Variants in CATSPERE observed in about 807,000 individuals in gnomAD.
CATSPERE encodes cation channel sperm-associated auxiliary subunit epsilon.
Under a neutral mutation model 114.1 loss-of-function variants are expected in CATSPERE, and 93 were observed. That is an observed-to-expected ratio of 0.81 (90% CI 0.69 to 0.97). CATSPERE has a LOEUF of 0.97. CATSPERE is among the 50% of genes least tolerant of loss of function. The pLI, the probability that CATSPERE is intolerant of heterozygous loss-of-function variation, is 0.00. For synonymous variants in CATSPERE, 341 were observed against 384.1 expected (o/e 0.89, Z 1.31); for missense variants, 1,058 against 1,131.6 (o/e 0.93, Z 0.93).
chr1:244,531,576 A>G (rs72773406), intron 8 of CATSPERE, among the ~76,000 whole-genome samples: 4,345 of 152,148 alleles, frequency 0.029, 93 homozygotes, highest in Middle Eastern at 0.088. Flanking sequence ...TTCGGTATTA[A>G]TTGAAATGAT....
At chr1:244,558,759 A>C (rs1225487496) in intron 9 of CATSPERE, among the ~76,000 whole-genome samples, 1 of 150,644 alleles carries the variant, frequency 6.6e-6, no homozygotes, top group Non-Finnish European at 1.5e-5. Flanking sequence ...CCCACTCTGC[A>C]CTCCCCTCTC....
chr1:244,479,514 T>C (rs1669924353), intron 4 of CATSPERE, among the ~76,000 whole-genome samples: 1 of 152,182 alleles, frequency 6.6e-6, no homozygotes, highest in African/African-American at 2.4e-5. Context: ...TGTATTTCAG[T>C]GAGGAAGACA....
At chr1:244,583,237 G>A (rs1195940207) in intron 12 of CATSPERE, among the ~76,000 whole-genome samples, 1 of 151,888 alleles carries the variant, frequency 6.6e-6, no homozygotes, top group Non-Finnish European at 1.5e-5. Context: ...AAAAACCTTA[G>A]CAGGTGTAGG....
At chr1:244,625,420 A>ATTTTT (rs1673020439) in intron 20 of CATSPERE, among the ~76,000 whole-genome samples, 1 of 4,644 alleles carries the variant, frequency 2.2e-4, no homozygotes, top group African/African-American at 4.6e-4. Flanking sequence ...ATATATATAT[A>ATTTTT]TATATATATA....
At chr1:244,477,508 AT>A in intron 2 of CATSPERE, 32 bp from the exon 3 acceptor site, 3 of 1,271,024 alleles carry the variant, frequency 2.4e-6, no homozygotes, top group South Asian at 1.3e-5. Flanking sequence ...TTTGAATGAT[AT>A]TTTTTGTTCG....
chr1:244,542,153 A>AC (rs1658911811), intron 8 of CATSPERE, among the ~76,000 whole-genome samples: 1 of 19,938 alleles, frequency 5.0e-5, no homozygotes, highest in Non-Finnish European at 1.2e-4. Context: ...AACATAAAGT[A>AC]TAAAAAAAAA....
intron 6 of CATSPERE, among the ~76,000 whole-genome samples, chr1:244,492,836 C>CTG (rs1672448666): frequency 6.8e-6 from 1 of 146,374 alleles, no homozygotes; most frequent in African/African-American, 2.5e-5. Context: ...GAGTGAACTC[C>CTG]CATTCACAAT....
intron 17 of CATSPERE, among the ~76,000 whole-genome samples, chr1:244,602,537 G>C (rs1007568197): frequency 1.3e-4 from 20 of 152,324 alleles, no homozygotes; most frequent in Admixed American, 1.2e-3. Context: ...ACAATAGACT[G>C]ACTGTCCAAC....
At chr1:244,570,262 T>C (rs548891906) in intron 10 of CATSPERE, among the ~76,000 whole-genome samples, 3 of 152,258 alleles carry the variant, frequency 2.0e-5, no homozygotes, top group South Asian at 2.1e-4. Context: ...AAATTTCTTA[T>C]GTACCTATAA....
intron 8 of CATSPERE, among the ~76,000 whole-genome samples, chr1:244,523,957 T>A (rs1295042917): frequency 1.4e-5 from 2 of 145,966 alleles, no homozygotes; most frequent in African/African-American, 2.6e-5. Context: ...AAGCTACCAA[T>A]GACTTTCTTC....
At chr1:244,486,990 G>A (rs1211589977) in intron 5 of CATSPERE, among the ~76,000 whole-genome samples, 6 of 150,778 alleles carry the variant, frequency 4.0e-5, no homozygotes, top group East Asian at 2.0e-4. Context: ...GTAGACCCTC[G>A]TAGTCACCTG....
intron 8 of CATSPERE, among the ~76,000 whole-genome samples, chr1:244,525,240 C>CA (rs1201608063): frequency 4.0e-5 from 6 of 148,228 alleles, no homozygotes; most frequent in African/African-American, 2.5e-5. Context: ...ATCGCAAGAA[C>CA]AAAAAACCAA....
At chr1:244,524,458 C>T (rs1430857571) in intron 8 of CATSPERE, among the ~76,000 whole-genome samples, 1 of 151,266 alleles carries the variant, frequency 6.6e-6, no homozygotes, top group Non-Finnish European at 1.5e-5. Context: ...ACACCAAAAG[C>T]AATGGCAACA....
chr1:244,523,783 A>G (rs1357050348), intron 8 of CATSPERE, among the ~76,000 whole-genome samples: 1 of 143,674 alleles, frequency 7.0e-6, no homozygotes, highest in African/African-American at 2.8e-5. Context: ...CTTACAAGGG[A>G]TGTGAAGGAC....
intron 21 of CATSPERE, among the ~76,000 whole-genome samples, chr1:244,639,138 G>A (rs906786957): frequency 1.3e-5 from 2 of 152,210 alleles, no homozygotes; most frequent in Non-Finnish European, 2.9e-5. Flanking sequence ...CTGAGCTGCT[G>A]TCATACTGAA....
Position 244,621,315 on chromosome 1 carries a change from AAT to A in CATSPERE, c.2648+3658_2648+3659del, listed in dbSNP as rs201672348. ...TCTATATAAATATATAAATATATAAAATATATATATATATATATATATATATA... is the reference window on the plus strand; with the variant it reads ...TCTATATAAATATATAAATATATAAAATATATATATATATATATATATATA... On this transcript the variant is annotated intron_variant, in intron 20 of 21. Coordinates refer to ENST00000366534, the MANE Select transcript of CATSPERE (RefSeq NM_001130957.2). Among the ~76,000 whole-genome samples, 60 of 26,342 alleles carry A rather than the reference AAT, an allele frequency of 2.3e-3. 5 individuals are homozygous for A. Among genetic ancestry groups the A allele is most frequent in the African/African-American group, 9.1e-3 (57 of 6,244 alleles). The allele number at this position is 26,342 out of a possible 152,430, so 17.3% of individuals were successfully genotyped here.
rs1398816895 is a variant in CATSPERE at position 244,572,675 on chromosome 1, G to A, written c.1853G>A (p.Gly618Asp). The A allele has an allele frequency of 2.5e-6, 4 of 1,613,788 alleles. No individual in the cohort carries two copies. Among genetic ancestry groups the A allele is most frequent in the East Asian group, 2.2e-5 (1 of 44,870 alleles). The change falls in exon 11 of 22, where the codon GGT (glycine) becomes GAT (aspartate). Residue 618 changes from glycine (G) to aspartate (D), a missense_variant. Transcript: ENST00000366534. ...CAGATCGTCTATCCAGAAAACACTG[G>A]TCTGTATGTTATTGTGGAATCTTAT... ...WTQIVYPENT[G>D]LYVIVESYGP...
chr1:244,570,846 A>G (rs369921240), intron 10 of CATSPERE, among the ~76,000 whole-genome samples: 9 of 152,210 alleles, frequency 5.9e-5, no homozygotes, highest in East Asian at 1.9e-4. Flanking sequence ...TTGAGGTAGC[A>G]TTCCAAGCTG....
At chr1:244,603,452 T>C (rs1487879106) in intron 17 of CATSPERE, among the ~76,000 whole-genome samples, 1 of 152,210 alleles carries the variant, frequency 6.6e-6, no homozygotes, top group Non-Finnish European at 1.5e-5. Flanking sequence ...TAATTAGTAT[T>C]ATACCCTACA....
Sources: gnomAD v4.1 joint callset for allele counts (sites outside exome capture counted in the v4.1 genomes callset) on GRCh38, gnomAD v4.1.1 for gene constraint, MANE v1.5 for transcripts, NCBI Gene and HGNC (gene_info 2026-07-23, HGNC 2026-07-21) for gene names.